ZBTB25: variants seen among roughly 807,000 people sequenced by gnomAD.
ZBTB25 encodes zinc finger and BTB domain-containing protein 25.
In ZBTB25, 20 loss-of-function variants were observed where a neutral mutation model predicts 34.2. That is an observed-to-expected ratio of 0.58 (90% CI 0.41 to 0.85). The LOEUF (loss-of-function observed/expected upper bound fraction) is 0.85, where lower values mean the gene tolerates loss of function less well. Ranked by LOEUF, ZBTB25 falls within the 40% of genes least tolerant of loss-of-function variation. ZBTB25 has a pLI of 0.00. For missense variants in ZBTB25, 437 were observed against 521.8 expected, an observed-to-expected ratio of 0.84 and a Z score of 1.58; for synonymous variants, 175 against 186.4, an observed-to-expected ratio of 0.94 and a Z score of 0.50.
In ZBTB25 at chr14:64,482,320, G is replaced by A. The variant is rs1317166729; in HGVS notation, c.*4603C>T. 1.3e-5 allele frequency: 2 copies of A among 152,204 alleles called. No individual in the cohort carries two copies. Among genetic ancestry groups the A allele is most frequent in the Non-Finnish European group, 2.9e-5 (2 of 68,068 alleles). The allele number at this position is 152,204 out of a possible 1,614,324, so 9.4% of individuals were successfully genotyped here. On this transcript the variant is annotated 3_prime_UTR_variant, in exon 3 of 3. Transcript: ENST00000608382. ...ACAAAAATTAGCTGGGTGTGGTGGT[G>A]CGTGCCTATAGTTCCAGCTACTCGG...
chr14:64,491,982 G>A (rs1025102405), intron 1 of ZBTB25, among the ~76,000 whole-genome samples: 1 of 151,774 alleles, frequency 6.6e-6, no homozygotes, highest in Non-Finnish European at 1.5e-5. Flanking sequence ...AGCCAGGCAC[G>A]GTGGTGCATG....
chr14:64,453,648 T>A (rs2078415556), intron 2 of ZBTB25: 1 of 723,628 alleles, frequency 1.4e-6, no homozygotes, highest in African/African-American at 1.7e-5. Flanking sequence ...ATAAAAACCA[T>A]CTTCTGCCCC....
At chr14:64,501,964 A>G (rs1195741046) in intron 1 of ZBTB25, among the ~76,000 whole-genome samples, 1 of 152,262 alleles carries the variant, frequency 6.6e-6, no homozygotes, top group East Asian at 1.9e-4. Flanking sequence ...GGAGCAAGAT[A>G]TAATGCAAAA....
chr14:64,449,417 G>A, exon 3 of ZBTB25: 1 of 1,611,098 alleles, frequency 6.2e-7, no homozygotes, highest in Non-Finnish European at 8.5e-7. Flanking sequence ...CATTTTCCAT[G>A]CTTTGATATG....
downstream of ZBTB25, among the ~76,000 whole-genome samples, chr14:64,477,654 G>A (rs1454823777): frequency 6.6e-6 from 1 of 152,146 alleles, no homozygotes; most frequent in East Asian, 1.9e-4. Flanking sequence ...ACTTTCTACA[G>A]AACCACTCCA....
chr14:64,490,328 T>C, intron 2 of ZBTB25, 33 bp downstream of exon 2: 1 of 1,484,050 alleles, frequency 6.7e-7, no homozygotes, highest in Non-Finnish European at 9.0e-7. Context: ...ATCACAATAT[T>C]AAAAATTCTT....
intron 2 of ZBTB25, chr14:64,468,485 A>G (rs754966181): frequency 1.5e-5 from 25 of 1,614,132 alleles, no homozygotes; most frequent in Non-Finnish European, 2.0e-5. Context: ...GCAGAAGGAA[A>G]AGGCATCCAT....
chr14:64,493,083 T>C (rs1369465074), intron 1 of ZBTB25, among the ~76,000 whole-genome samples: 1 of 152,274 alleles, frequency 6.6e-6, no homozygotes, highest in East Asian at 1.9e-4. Flanking sequence ...AGGATTCAGC[T>C]TGGCATAGAA....
Position 64,486,305 on chromosome 14 carries a change from A to G in ZBTB25, c.*618T>C, listed in dbSNP as rs1054773380. ...CGACACAGAGAGACTCTGTCTCAAAAAAAAAAAGAGGTATACTCAATGTTA... is the reference window on the plus strand; with the variant it reads ...CGACACAGAGAGACTCTGTCTCAAAGAAAAAAAGAGGTATACTCAATGTTA... On this transcript the variant is annotated 3_prime_UTR_variant, in exon 3 of 3. Coordinates refer to ENST00000608382, the MANE Select transcript of ZBTB25 (RefSeq NM_006977.5). 10 of 984,926 alleles carry G rather than the reference A, an allele frequency of 1.0e-5. No individual in the cohort carries two copies. In the African/African-American group the frequency reaches 1.7e-4, roughly 17 times the overall value. 61.0% of individuals were successfully genotyped at this position (984,926 alleles called of 1,614,324 possible).
intron 2 of ZBTB25, among the ~76,000 whole-genome samples, chr14:64,450,496 C>G (rs2078353419): frequency 6.6e-6 from 1 of 152,110 alleles, no homozygotes; most frequent in Non-Finnish European, 1.5e-5. Flanking sequence ...AAGTAGAGCC[C>G]TGCTTACTCT....
intron 2 of ZBTB25, chr14:64,454,746 C>T: frequency 6.2e-7 from 1 of 1,613,892 alleles, no homozygotes; most frequent in Non-Finnish European, 8.5e-7. Context: ...TCCCCATCTG[C>T]ATGGCTAAAA....
intron 2 of ZBTB25, chr14:64,465,390 C>A (rs1298918991): frequency 6.6e-6 from 1 of 151,766 alleles, no homozygotes; most frequent in Non-Finnish European, 1.5e-5. Context: ...CGCCCCGCGC[C>A]TCCGGCGGTC....
At chr14:64,453,605 T>C in intron 2 of ZBTB25, 2 of 668,500 alleles carry the variant, frequency 3.0e-6, no homozygotes, top group Non-Finnish European at 5.6e-6. Context: ...AACCCAATCA[T>C]CAACCTCAAA....
In ZBTB25 at chr14:64,487,731, T is replaced by C. The variant is rs2078925486; in HGVS notation, c.500A>G (p.Gln167Arg). 2 of 1,613,912 alleles carry C rather than the reference T, an allele frequency of 1.2e-6. No individual in the cohort carries two copies. The highest frequency in any genetic ancestry group is 1.7e-5 in the Admixed American group (1 of 59,974). ...NRAAVQGDHP[Q>R]LQLSLAIGLD... The stretch of plus-strand genomic sequence containing the variant: ...ACCAATAGCAAGAGACAACTGCAAC[T>C]GGGGGTGGTCACCCTGGACAGCAGC... Residue 167 changes from glutamine to arginine, a missense_variant, in exon 3 of 3, where the codon CAG (glutamine) becomes CGG (arginine). By Grantham distance (43) the Gln-to-Arg change is conservative. Coordinates refer to ENST00000608382, the MANE Select transcript of ZBTB25 (RefSeq NM_006977.5).
Position 64,487,297 on chromosome 14 carries a change from T to C in ZBTB25, c.934A>G (p.Thr312Ala), listed in dbSNP as rs1361582179. 1 of 1,614,054 alleles carries C rather than the reference T, an allele frequency of 6.2e-7. No homozygotes were observed. The highest frequency in any genetic ancestry group is 2.2e-5 in the East Asian group (1 of 44,884). The change falls in exon 3 of 3, where the codon ACC becomes GCC. Residue 312 changes from threonine to alanine, a missense_variant. Thr to Ala is a moderately conservative substitution (Grantham distance 58). Coordinates refer to ENST00000608382, the MANE Select transcript of ZBTB25 (RefSeq NM_006977.5). ...AAAGGCTCTGTGGTACCCCGGTTGG[T>C]GTGGTCTGGCTGCTGTTCATTCTCC... ...VKENEQQPDH[T>A]NRGTTEPLQI... is the part of the protein sequence containing the mutation.
Position 64,487,299 on chromosome 14 carries a change from TG to T in ZBTB25, c.931del (p.His311ThrfsTer17), listed in dbSNP as rs2078904323. 1 of 1,614,054 alleles carries T rather than the reference TG, an allele frequency of 6.2e-7. No individual in the cohort carries two copies. Among genetic ancestry groups the T allele is most frequent in the South Asian group, 1.1e-5 (1 of 91,080 alleles). On this transcript the variant is annotated frameshift_variant, in exon 3 of 3. Transcript: ENST00000608382. LOFTEE classifies it high-confidence loss of function. ...AGGCTCTGTGGTACCCCGGTTGGTG[TG>T]GTCTGGCTGCTGTTCATTCTCCTTA... ...IVKENEQQPD[H>X]TNRGTTEPLQ...
At position 64,487,142 on chromosome 14, in the gene ZBTB25, T is replaced by C. The variant is rs1456202116; in HGVS notation, c.1089A>G (p.Gln363=). 6.2e-6 allele frequency: 10 copies of C among 1,614,008 alleles called. No individual in the cohort carries two copies. The highest frequency in any genetic ancestry group is 4.5e-5 in the East Asian group (2 of 44,906). Residue 363 remains glutamine, a synonymous_variant, in exon 3 of 3, where the codon CAA becomes CAG. Coordinates refer to ENST00000608382, the MANE Select transcript of ZBTB25 (RefSeq NM_006977.5). Reference sequence around the variant, plus strand: ...TGTGTGTATACATGTGTTCCAACAATTGGCTCTTTCGAGGGAATTTATGAC... The same window carrying C: ...TGTGTGTATACATGTGTTCCAACAACTGGCTCTTTCGAGGGAATTTATGAC... ...ICGHKFPRKS[Q]LLEHMYTHKG...
intron 1 of ZBTB25, among the ~76,000 whole-genome samples, chr14:64,502,412 C>G (rs1016601423): frequency 2.0e-5 from 3 of 152,166 alleles, no homozygotes; most frequent in Non-Finnish European, 4.4e-5. Context: ...ACGATTTACC[C>G]TTAACTAAAA....
rs2079580889 is a variant in ZBTB25, at chr14:64,503,819, T to A, written c.-166A>T. The stretch of plus-strand genomic sequence containing the variant: ...CGCGATGGCCCCACGTGACCGCGTG[T>A]CTGGTAGCAGGGGAAAGAGGGGCGC... On this transcript the variant is annotated 5_prime_UTR_variant, in exon 1 of 3. Coordinates refer to ENST00000608382, the MANE Select transcript of ZBTB25 (RefSeq NM_006977.5). The A allele has an allele frequency of 1.3e-5, 2 of 159,338 alleles. No homozygotes were observed. Among genetic ancestry groups the A allele is most frequent in the Non-Finnish European group, 2.7e-5 (2 of 74,652 alleles). 9.9% of individuals were successfully genotyped at this position (159,338 alleles called of 1,614,324 possible). A position where few individuals can be genotyped will look rare whatever the true frequency, so the allele number is the denominator to read the frequency against.
Sources: gnomAD v4.1 joint callset for allele counts (sites outside exome capture counted in the v4.1 genomes callset) on GRCh38, gnomAD v4.1.1 for gene constraint, MANE v1.5 for transcripts, NCBI Gene and HGNC (gene_info 2026-07-23, HGNC 2026-07-21) for gene names.